The following TTC7A variants were observed in gnomAD, a reference collection of about 807,000 sequenced individuals.
TTC7A encodes the protein tetratricopeptide repeat domain 7A, also known as tetratricopeptide repeat protein 7A.
Under a neutral mutation model 103.7 loss-of-function variants are expected in TTC7A, and 110 were observed. That is an observed-to-expected ratio of 1.06 (90% CI 0.91 to 1.24). The LOEUF (loss-of-function observed/expected upper bound fraction) is 1.24. TTC7A is among the 50% of genes most tolerant of loss of function. TTC7A has a pLI of 0.00. For missense variants in TTC7A, 1,340 were observed against 1,116.3 expected, an observed-to-expected ratio of 1.20 and a Z score of -2.86; for synonymous variants, 521 against 467.9, an observed-to-expected ratio of 1.11 and a Z score of -1.47.
intron 2 of TTC7A, among the ~76,000 whole-genome samples, chr2:46,930,638 T>G (rs1283735774): frequency 6.6e-6 from 1 of 152,026 alleles, no homozygotes; most frequent in East Asian, 1.9e-4. Flanking sequence ...TAGCTGGGAT[T>G]ACAGGCGCCT....
At chr2:46,999,638 C>T (rs1371202753) in intron 8 of TTC7A, 4 of 985,348 alleles carry the variant, frequency 4.1e-6, no homozygotes, top group Non-Finnish European at 4.8e-6. Context: ...GGAATGACCC[C>T]AGCCTGCTGA....
intron 2 of TTC7A, among the ~76,000 whole-genome samples, chr2:46,933,044 C>T (rs1336220520): frequency 1.3e-5 from 2 of 152,308 alleles, no homozygotes; most frequent in African/African-American, 4.8e-5. Flanking sequence ...TGAAAAGGCT[C>T]TGAGCCCTTG....
At chr2:47,032,662 G>C (rs1680682548) in intron 15 of TTC7A, among the ~76,000 whole-genome samples, 1 of 151,750 alleles carries the variant, frequency 6.6e-6, no homozygotes, top group African/African-American at 2.4e-5. Context: ...TAGTCTGCTT[G>C]TCCAGGGCTG....
intron 1 of TTC7A, among the ~76,000 whole-genome samples, chr2:46,946,220 C>T (rs13404033): frequency 0.17 from 25,641 of 152,056 alleles, 2,238 homozygotes; most frequent in Non-Finnish European, 0.19. Context: ...AGCAGGGCTG[C>T]AGAATCAGCA....
chr2:47,011,314 G>A lies in TTC7A; in HGVS notation c.1288-17G>A. 1 of 1,610,516 alleles carries A rather than the reference G, an allele frequency of 6.2e-7. No individual in the cohort carries two copies. The highest frequency in any genetic ancestry group is 8.5e-7 in the Non-Finnish European group (1 of 1,177,820). On this transcript the variant is annotated splice_polypyrimidine_tract_variant and intron_variant, in intron 10 of 19. Coordinates refer to ENST00000319190, the MANE Select transcript of TTC7A (RefSeq NM_020458.4). ...AGGACTGTGAGTGACAGTGTTTCCT[G>A]CTCTTTTTTTCTGCAGTCAGCCTAC...
At chr2:46,938,486 ATAACT>A (rs946970853), upstream of TTC7A, among the ~76,000 whole-genome samples, 2 of 152,174 alleles carry the variant, frequency 1.3e-5, no homozygotes, top group African/African-American at 4.8e-5. Context: ...CTATACTTTA[ATAACT>A]TAATAGCAAG....
chr2:46,964,889 G>A (rs1350174208), intron 3 of TTC7A, among the ~76,000 whole-genome samples: 1 of 152,124 alleles, frequency 6.6e-6, no homozygotes, highest in Non-Finnish European at 1.5e-5. Flanking sequence ...CTAATTTAGG[G>A]TTCACTGTGG....
chr2:46,987,493 G>A (rs1675133067), intron 5 of TTC7A, among the ~76,000 whole-genome samples: 1 of 152,148 alleles, frequency 6.6e-6, no homozygotes. Flanking sequence ...ACAAGAATGT[G>A]AGCGGACTCT....
rs1671896920 is a variant in TTC7A, at chr2:46,956,823, G to A, written c.349-16G>A. The A allele has an allele frequency of 4.3e-6, 7 of 1,613,660 alleles. No homozygotes were observed. The highest frequency in any genetic ancestry group is 2.2e-5 in the East Asian group (1 of 44,882). On this transcript the variant is annotated splice_polypyrimidine_tract_variant and intron_variant, in intron 2 of 19. Transcript: ENST00000319190. ...ACTTTGGGGCAGGCGCTGGTAACAT[G>A]TCCTTGTCATTTCAGCCACAGTACA... is the stretch of plus-strand genomic sequence containing the variant.
chr2:46,986,568 G>A (rs933529523), intron 5 of TTC7A, among the ~76,000 whole-genome samples: 1 of 152,134 alleles, frequency 6.6e-6, no homozygotes, highest in East Asian at 1.9e-4. Context: ...GACCCTGAAG[G>A]TGTCTGAGGA....
chr2:47,074,083 C>A lies in TTC7A; in HGVS notation c.*160C>A. Reference sequence around the variant, plus strand: ...GCAGCCCTCGTTCTCTTGGCTGGGCCAAGAGGGCCTTCCTGGATTTCTTTG... The same window carrying A: ...GCAGCCCTCGTTCTCTTGGCTGGGCAAAGAGGGCCTTCCTGGATTTCTTTG... On this transcript the variant is annotated 3_prime_UTR_variant, in exon 20 of 20. Coordinates refer to ENST00000319190, the MANE Select transcript of TTC7A (RefSeq NM_020458.4). 1.6e-6 allele frequency: 1 copy of A among 617,264 alleles called. No homozygotes were observed. Among genetic ancestry groups the A allele is most frequent in the Non-Finnish European group, 2.8e-6 (1 of 352,680 alleles). 38.2% of individuals were successfully genotyped at this position (617,264 alleles called of 1,614,324 possible).
At chr2:46,967,283 G>T (rs1194677725) in intron 3 of TTC7A, among the ~76,000 whole-genome samples, 1 of 152,116 alleles carries the variant, frequency 6.6e-6, no homozygotes, top group Non-Finnish European at 1.5e-5. Flanking sequence ...GTACAGTTCG[G>T]TACTAAGACA....
chr2:46,988,440 G>A (rs1190458819), intron 5 of TTC7A, among the ~76,000 whole-genome samples: 2 of 152,206 alleles, frequency 1.3e-5, no homozygotes, highest in African/African-American at 4.8e-5. Context: ...GCTCTTCTGG[G>A]TCTTTGACTG....
At chr2:47,020,313 C>T (rs1451002682) in intron 11 of TTC7A, among the ~76,000 whole-genome samples, 1 of 152,188 alleles carries the variant, frequency 6.6e-6, no homozygotes, top group African/African-American at 2.4e-5. Flanking sequence ...GGCTTCAGGC[C>T]CCAGCAGCCC....
intron 3 of TTC7A, among the ~76,000 whole-genome samples, chr2:46,971,787 C>T (rs574774900): frequency 4.1e-4 from 62 of 152,216 alleles, no homozygotes; most frequent in African/African-American, 1.4e-3. Flanking sequence ...TCTTGAGCCT[C>T]TACTTACTAC....
intron 15 of TTC7A, among the ~76,000 whole-genome samples, chr2:47,032,826 A>T (rs1680700427): frequency 6.7e-6 from 1 of 148,188 alleles, no homozygotes; most frequent in African/African-American, 2.5e-5. Context: ...TGGCCTCCAG[A>T]ATTGTAAGAG....
chr2:46,934,951 C>G (rs1051446844), intron 2 of TTC7A, among the ~76,000 whole-genome samples: 1 of 151,858 alleles, frequency 6.6e-6, no homozygotes, highest in African/African-American at 2.4e-5. Context: ...CAGGCGCGCA[C>G]CACCACGTCC....
chr2:47,049,749 C>T lies in TTC7A; in HGVS notation c.1920-200C>T, dbSNP rs2304288. 1.7e-3 allele frequency among the ~76,000 whole-genome samples: 263 copies of T among 152,164 alleles called. 6 individuals are homozygous for T. The East Asian group carries it at 0.037, about 22-fold the overall frequency. Reference sequence around the variant, plus strand: ...CTCAGCCTGTGTGGTATGCGACCCACGTTGATCCCTCCTGCCTCTCTAGTG... The same window carrying T: ...CTCAGCCTGTGTGGTATGCGACCCATGTTGATCCCTCCTGCCTCTCTAGTG... On this transcript the variant is annotated intron_variant, in intron 16 of 19. Coordinates refer to ENST00000319190, the MANE Select transcript of TTC7A (RefSeq NM_020458.4).
chr2:46,983,584 C>T (rs758791584), intron 5 of TTC7A, among the ~76,000 whole-genome samples: 124 of 152,348 alleles, frequency 8.1e-4, no homozygotes, highest in African/African-American at 2.5e-3. Flanking sequence ...GCAGGGGTCA[C>T]CACTTTAACT....
Sources: allele counts gnomAD v4.1 joint callset (sites outside exome capture counted in the v4.1 genomes callset), GRCh38; gene constraint gnomAD v4.1.1; transcripts MANE v1.5; gene names NCBI Gene and HGNC (gene_info 2026-07-23, HGNC 2026-07-21).